Variants in S100Z observed in about 807,000 individuals in gnomAD.
The protein encoded by S100Z is S100 calcium binding protein Z, also known as protein S100-Z.
In S100Z, 11 loss-of-function variants were observed where a neutral mutation model predicts 8.5. The observed-to-expected ratio is 1.30, with a 90% CI of 0.82 to 2.15. S100Z has a LOEUF of 2.15. Ranked by LOEUF, S100Z falls within the 30% of genes most tolerant of loss-of-function variation. The pLI is 0.00. For synonymous variants in S100Z, 34 were observed against 43.8 expected, an observed-to-expected ratio of 0.78 and a Z score of 0.89; for missense variants, 126 against 117.9, an observed-to-expected ratio of 1.07 and a Z score of -0.32.
intron 4 of S100Z, among the ~76,000 whole-genome samples, chr5:76,903,442 AGTTT>A (rs1446357860): frequency 1.3e-5 from 2 of 152,096 alleles, no homozygotes; most frequent in Non-Finnish European, 2.9e-5. Flanking sequence ...GATGTACCAC[AGTTT>A]GTTTATTCAG....
chr5:76,903,899 G>T lies in S100Z; in HGVS notation c.*3-16818G>T, dbSNP rs552022091. 1.0e-2 allele frequency among the ~76,000 whole-genome samples: 1,466 copies of T among 146,656 alleles called. 20 individuals carry two copies. The highest frequency in any genetic ancestry group is 0.028 in the African/African-American group (1,107 of 39,410). On this transcript the variant is annotated intron_variant, in intron 4 of 4. Transcript: ENST00000317593. Reference sequence around the variant, plus strand: ...GCCACCACGCCTGGCTATTTTTTTTGTGTGTGTGTATTTTTAGTAGAGATG... The same window carrying T: ...GCCACCACGCCTGGCTATTTTTTTTTTGTGTGTGTATTTTTAGTAGAGATG...
At chr5:76,909,042 T>C (rs998791964) in intron 4 of S100Z, among the ~76,000 whole-genome samples, 1 of 152,138 alleles carries the variant, frequency 6.6e-6, no homozygotes, top group Non-Finnish European at 1.5e-5. Flanking sequence ...GCTGCTGTGT[T>C]GGTAAGCGCA....
chr5:76,892,654 GAAAAAAAAA>G (rs1482570265), intron 4 of S100Z, among the ~76,000 whole-genome samples: 2 of 149,924 alleles, frequency 1.3e-5, no homozygotes, highest in Non-Finnish European at 3.0e-5. Flanking sequence ...AAAGAAGAAA[GAAAAAAAAA>G]GGCAGGGGCA....
At chr5:76,864,386 A>ATATT in intron 1 of S100Z, among the ~76,000 whole-genome samples, 1 of 72,174 alleles carries the variant, frequency 1.4e-5, no homozygotes, top group South Asian at 6.4e-4. Flanking sequence ...TGCATACTAT[A>ATATT]TTTTTTTTTT....
the S100Z span, among the ~76,000 whole-genome samples, chr5:76,946,472 G>T: frequency 4.0e-5 from 6 of 151,784 alleles, no homozygotes; most frequent in African/African-American, 1.2e-4. Flanking sequence ...CTATATTATG[G>T]TGCATAATCT....
At chr5:76,852,574 G>A (rs1165779384) in intron 1 of S100Z, among the ~76,000 whole-genome samples, 2 of 152,142 alleles carry the variant, frequency 1.3e-5, no homozygotes, top group African/African-American at 2.4e-5. Flanking sequence ...GCCAGGAATG[G>A]TGGTGCACAC....
At chr5:76,867,618 G>A (rs1742814593) in intron 1 of S100Z, among the ~76,000 whole-genome samples, 1 of 148,122 alleles carries the variant, frequency 6.8e-6, no homozygotes, top group African/African-American at 2.5e-5. Flanking sequence ...TTGAGGTGGG[G>A]TCTCACTCTG....
chr5:76,940,405 TTTTC>T, the S100Z span, among the ~76,000 whole-genome samples: 2 of 64,720 alleles, frequency 3.1e-5, no homozygotes, highest in Non-Finnish European at 7.4e-5. Context: ...GTGGCAATTT[TTTTC>T]TTTTTTTTTT....
intron 4 of S100Z, among the ~76,000 whole-genome samples, chr5:76,897,211 G>A (rs896976712): frequency 6.6e-6 from 1 of 152,022 alleles, no homozygotes; most frequent in Non-Finnish European, 1.5e-5. Context: ...CCAGCACTTT[G>A]GGAGGCTGAG....
chr5:76,894,362 C>T (rs1440805209), intron 4 of S100Z, among the ~76,000 whole-genome samples: 1 of 152,176 alleles, frequency 6.6e-6, no homozygotes. Context: ...CCAAGCTGCA[C>T]CACCTTGGGC....
chr5:76,853,679 C>G (rs1308663961), intron 1 of S100Z, among the ~76,000 whole-genome samples: 1 of 151,978 alleles, frequency 6.6e-6, no homozygotes, highest in African/African-American at 2.4e-5. Flanking sequence ...CACCTGTAGT[C>G]CCAGCTACTG....
chr5:76,929,957 G>A, the S100Z span, among the ~76,000 whole-genome samples: 1 of 152,332 alleles, frequency 6.6e-6, no homozygotes, highest in South Asian at 2.1e-4. Flanking sequence ...GTGCACAAGA[G>A]ATTTGTAGAC....
intron 4 of S100Z, among the ~76,000 whole-genome samples, chr5:76,912,946 CAGAGAG>C (rs35241891): frequency 6.6e-6 from 1 of 150,632 alleles, no homozygotes; most frequent in Non-Finnish European, 1.5e-5. Context: ...CAGAGAGAGT[CAGAGAG>C]AGGAAGAGAC....
At chr5:76,949,262 G>A in the S100Z span, among the ~76,000 whole-genome samples, 20 of 152,000 alleles carry the variant, frequency 1.3e-4, no homozygotes, top group Admixed American at 6.6e-5. Context: ...GGTGGCAGGC[G>A]CCTGTAGTAC....
chr5:76,916,083 C>A (rs1278182650), intron 4 of S100Z, among the ~76,000 whole-genome samples: 14 of 151,296 alleles, frequency 9.3e-5, no homozygotes, highest in Non-Finnish European at 2.9e-5. Flanking sequence ...ATCGCTTGAA[C>A]CCAGGAGGTG....
chr5:76,853,823 C>T (rs1262313340), intron 1 of S100Z, among the ~76,000 whole-genome samples: 5 of 151,576 alleles, frequency 3.3e-5, no homozygotes, highest in Non-Finnish European at 5.9e-5. Context: ...AAATTGTAAT[C>T]CCCAGGGTTG....
the S100Z span, among the ~76,000 whole-genome samples, chr5:76,951,365 G>T: frequency 8.5e-5 from 13 of 152,212 alleles, no homozygotes; most frequent in African/African-American, 3.1e-4. Context: ...GGGCTGGCTG[G>T]AGAAGAATGT....
chr5:76,912,842 AAGAGAG>A (rs1199855142), intron 4 of S100Z, among the ~76,000 whole-genome samples: 2 of 151,414 alleles, frequency 1.3e-5, no homozygotes, highest in African/African-American at 4.9e-5. Flanking sequence ...AAGAGACAGA[AAGAGAG>A]AGAGAGAGGA....
At chr5:76,874,890 A>T (rs1055615143) in intron 2 of S100Z, among the ~76,000 whole-genome samples, 7 of 146,298 alleles carry the variant, frequency 4.8e-5, no homozygotes, top group African/African-American at 1.0e-4. Flanking sequence ...ATTATTATTA[A>T]TTTTTTTTTT....
Sources: allele counts gnomAD v4.1 joint callset (sites outside exome capture counted in the v4.1 genomes callset), GRCh38; gene constraint gnomAD v4.1.1; transcripts MANE v1.5; gene names NCBI Gene and HGNC (gene_info 2026-07-23, HGNC 2026-07-21).